Variants in DNAH8 observed in about 807,000 individuals in gnomAD.
The protein encoded by DNAH8 is axonemal beta dynein heavy chain 8.
DNAH8 carries 382 observed loss-of-function variants against 562.1 expected under a neutral mutation model. The observed-to-expected ratio is 0.68, with a 90% CI of 0.63 to 0.74. The LOEUF (loss-of-function observed/expected upper bound fraction) is 0.74, where lower values mean the gene tolerates loss of function less well. Ranked by LOEUF, DNAH8 falls within the 30% of genes least tolerant of loss-of-function variation. DNAH8 has a pLI of 0.00. For synonymous variants in DNAH8, 1,881 were observed against 1,919.4 expected (o/e 0.98, Z 0.52); for missense variants, 5,203 against 5,620.4 (o/e 0.93, Z 2.37).
At chr6:39,021,938 C>G (rs1333035531) in intron 91 of DNAH8, among the ~76,000 whole-genome samples, 1 of 152,206 alleles carries the variant, frequency 6.6e-6, no homozygotes, top group African/African-American at 2.4e-5. Context: ...TTAAAGCACT[C>G]TTCAGCTTTC....
Position 38,923,202 on chromosome 6 carries a change from T to C in DNAH8, c.10790+17T>C, listed in dbSNP as rs748021757. On this transcript the variant is annotated intron_variant, in intron 72 of 92. Transcript: ENST00000327475. ...GATTAATAGGTGGGAATCTGGGTCT[T>C]CTTCATAATCACTCTTTCTTTGTGA... is the stretch of plus-strand genomic sequence containing the variant. 1.9e-6 allele frequency: 3 copies of C among 1,611,168 alleles called. No homozygotes were observed. The East Asian group carries it at 6.7e-5, about 36-fold the overall frequency.
At chr6:38,984,362 T>C (rs1249013139) in intron 87 of DNAH8, 55 bp downstream of exon 87, 14 of 1,210,992 alleles carry the variant, frequency 1.2e-5, no homozygotes, top group Non-Finnish European at 1.6e-5. Flanking sequence ...TATTTTCCAA[T>C]TTTTTTGTTT....
intron 47 of DNAH8, 109 bp downstream of exon 47, chr6:38,866,985 T>G: frequency 1.6e-6 from 1 of 615,782 alleles, no homozygotes; most frequent in Non-Finnish European, 2.8e-6. Flanking sequence ...TTGACTCTTT[T>G]CTAAAATGCT....
intron 7 of DNAH8, among the ~76,000 whole-genome samples, chr6:38,740,625 C>CT (rs1562607866): frequency 6.7e-6 from 1 of 149,478 alleles, no homozygotes; most frequent in African/African-American, 2.5e-5. Context: ...TTTTTCTTTT[C>CT]TTTTTTTGAG....
At chr6:38,969,197 A>C (rs545640695) in intron 82 of DNAH8, among the ~76,000 whole-genome samples, 4 of 152,322 alleles carry the variant, frequency 2.6e-5, no homozygotes, top group African/African-American at 9.6e-5. Flanking sequence ...GATAGTAGTG[A>C]TAGTTATGCA....
chr6:38,718,701 T>C (rs892499965), intron 1 of DNAH8, among the ~76,000 whole-genome samples: 5 of 152,178 alleles, frequency 3.3e-5, no homozygotes, highest in African/African-American at 1.2e-4. Flanking sequence ...CACAGACACT[T>C]GTATTCGCAG....
chr6:38,784,684 A>G (rs907174833), intron 17 of DNAH8, among the ~76,000 whole-genome samples: 5 of 152,184 alleles, frequency 3.3e-5, no homozygotes, highest in Non-Finnish European at 7.4e-5. Flanking sequence ...CATTACATGT[A>G]TTATGCAAAT....
At position 38,982,370 on chromosome 6, in the gene DNAH8, G is replaced by A. The variant is rs779575156; in HGVS notation, c.12859G>A (p.Gly4287Arg). 6.2e-7 allele frequency: 1 copy of A among 1,607,788 alleles called. No homozygotes were observed. The highest frequency in any genetic ancestry group is 8.5e-7 in the Non-Finnish European group (1 of 1,174,896). ...VQERRKFGPL[G>R]WNIPYEFNSA... is the part of the protein sequence containing the mutation. ...GGAGCGACGAAAATTTGGCCCCTTA[G>A]GATGGAATATTCCCTACGAATTCAA... Residue 4287 changes from glycine to arginine, a missense_variant, in exon 86 of 93, where the codon GGA becomes AGA. Around this residue, in one of 6 missense-constraint regions of DNAH8, gnomAD observed 1,399 missense variants for 1,518.4 expected, o/e 0.92. Transcript: ENST00000327475.
At chr6:38,874,068 T>TTCTTTCTTTCTTTCTTTCTCTC (rs377254876) in intron 52 of DNAH8, among the ~76,000 whole-genome samples, 1 of 57,062 alleles carries the variant, frequency 1.8e-5, no homozygotes, top group Admixed American at 2.4e-4. Flanking sequence ...CTTTCTTTCT[T>TTCTTTCTTTCTTTCTTTCTCTC]TTTCTTTCTT....
Position 38,868,171 on chromosome 6 carries a change from T to G in DNAH8, c.6803T>G (p.Leu2268Arg). Residue 2268 changes from leucine to arginine, a missense_variant, in exon 48 of 93, where the codon CTA becomes CGA. Coordinates refer to ENST00000327475, the MANE Select transcript of DNAH8 (RefSeq NM_001206927.2). ...DSELSIVMRG[L>R]RDMNLSKLVD... ...GAATTAAGCATTGTCATGAGAGGACTAAGAGATATGAACCTTTCCAAACTG... is the reference window on the plus strand; with the variant it reads ...GAATTAAGCATTGTCATGAGAGGACGAAGAGATATGAACCTTTCCAAACTG... 6.2e-7 allele frequency: 1 copy of G among 1,613,090 alleles called. No individual in the cohort carries two copies. The highest frequency in any genetic ancestry group is 1.1e-5 in the South Asian group (1 of 90,786).
At chr6:38,847,399 A>G (rs924855134) in intron 36 of DNAH8, among the ~76,000 whole-genome samples, 1 of 151,684 alleles carries the variant, frequency 6.6e-6, no homozygotes, top group African/African-American at 2.4e-5. Context: ...GTTGGTTTAC[A>G]TGTCCTTATT....
chr6:38,906,981 G>C (rs944223638), intron 63 of DNAH8, among the ~76,000 whole-genome samples: 1 of 152,108 alleles, frequency 6.6e-6, no homozygotes, highest in African/African-American at 2.4e-5. Flanking sequence ...TTTGATTTGG[G>C]GGTGCTCAAC....
intron 75 of DNAH8, among the ~76,000 whole-genome samples, 156 bp downstream of exon 75, chr6:38,929,822 A>G (rs1269396539): frequency 6.6e-6 from 1 of 152,244 alleles, no homozygotes; most frequent in Non-Finnish European, 1.5e-5. Context: ...AGGCAGTAGT[A>G]TTTGGTACGT....
chr6:39,030,582 T>A lies in DNAH8; in HGVS notation c.*190T>A. On this transcript the variant is annotated 3_prime_UTR_variant, in exon 93 of 93. Transcript: ENST00000327475. ...ATATCAATATTCAAAAAGATAACTC[T>A]AAATGAATGTTTTTTATTCTGGGAA... 1.8e-6 allele frequency: 1 copy of A among 540,820 alleles called. No homozygotes were observed. The highest frequency in any genetic ancestry group is 3.2e-6 in the Non-Finnish European group (1 of 308,950). 33.5% of individuals were successfully genotyped at this position (540,820 alleles called of 1,614,324 possible). A position where few individuals can be genotyped will look rare whatever the true frequency, so the allele number is the denominator to read the frequency against.
chr6:38,798,988 C>T (rs1298096716), intron 21 of DNAH8, among the ~76,000 whole-genome samples: 1 of 152,172 alleles, frequency 6.6e-6, no homozygotes, highest in Non-Finnish European at 1.5e-5. Flanking sequence ...AATACCCCAC[C>T]TTCTCTCTCC....
At chr6:38,875,981 T>C (rs948332273) in intron 53 of DNAH8, among the ~76,000 whole-genome samples, 153 bp downstream of exon 53, 3 of 151,962 alleles carry the variant, frequency 2.0e-5, no homozygotes, top group Admixed American at 2.0e-4. Flanking sequence ...TGAAAGAGAG[T>C]GGAATTTTGC....
intron 53 of DNAH8, among the ~76,000 whole-genome samples, chr6:38,880,633 G>T (rs2150459311): frequency 6.6e-6 from 1 of 152,242 alleles, no homozygotes; most frequent in African/African-American, 2.4e-5. Context: ...AAAATGGGGA[G>T]GAAATTTCAG....
chr6:39,026,108 G>T (rs1767258802), intron 91 of DNAH8, among the ~76,000 whole-genome samples: 1 of 152,148 alleles, frequency 6.6e-6, no homozygotes, highest in South Asian at 2.1e-4. Flanking sequence ...AAATGAAATT[G>T]TTCCATTATA....
At chr6:38,903,536 G>A (rs575837453) in intron 62 of DNAH8, among the ~76,000 whole-genome samples, 105 of 151,938 alleles carry the variant, frequency 6.9e-4, no homozygotes, top group African/African-American at 2.4e-3. Flanking sequence ...ATTTCAACAC[G>A]AGATTTGGAG....
Sources: gnomAD v4.1 joint callset for allele counts (sites outside exome capture counted in the v4.1 genomes callset) on GRCh38, gnomAD v4.1.1 for gene constraint, gnomAD v4.1.1 regional missense constraint, MANE v1.5 for transcripts, NCBI Gene and HGNC (gene_info 2026-07-23, HGNC 2026-07-21) for gene names.